The following LGR5 variants were observed in gnomAD, a reference collection of about 807,000 sequenced individuals.
LGR5 encodes the protein leucine rich repeat containing G protein-coupled receptor 5, also known as leucine-rich repeat-containing G protein-coupled receptor 5.
Under a neutral mutation model 76.7 loss-of-function variants are expected in LGR5, and 54 were observed. That is an observed-to-expected ratio of 0.70 (90% CI 0.57 to 0.88). The LOEUF is 0.88. Ranked by LOEUF, LGR5 falls within the 40% of genes least tolerant of loss-of-function variation. The probability of loss-of-function intolerance (pLI) is 0.00; values close to 1 mark genes in which losing one functional copy is unlikely to be tolerated. For missense variants in LGR5, 1,078 were observed against 1,073.3 expected, an observed-to-expected ratio of 1.00 and a Z score of -0.06; for synonymous variants, 406 against 421.9, an observed-to-expected ratio of 0.96 and a Z score of 0.46.
intron 3 of LGR5, among the ~76,000 whole-genome samples, chr12:71,527,299 A>G (rs948653226): frequency 2.0e-5 from 3 of 152,226 alleles, no homozygotes; most frequent in African/African-American, 4.8e-5. Context: ...TGTTTGTGCT[A>G]TGATAACGGA....
chr12:71,508,420 C>A (rs141847166), intron 2 of LGR5, among the ~76,000 whole-genome samples: 183 of 152,070 alleles, frequency 1.2e-3, no homozygotes, highest in African/African-American at 4.3e-3. Context: ...CTGTAAGAAT[C>A]AATAAAGCGC....
chr12:71,524,281 A>C (rs1329105222), intron 2 of LGR5, 125 bp from the exon 3 acceptor site: 8 of 639,570 alleles, frequency 1.3e-5, no homozygotes, highest in East Asian at 5.8e-5. Context: ...AACAAAACAA[A>C]GTTGTTTACA....
At chr12:71,529,690 T>C (rs1009577911) in intron 3 of LGR5, among the ~76,000 whole-genome samples, 1 of 152,116 alleles carries the variant, frequency 6.6e-6, no homozygotes, top group Non-Finnish European at 1.5e-5. Context: ...GTGTGGTGGC[T>C]CACACCTCTA....
intron 10 of LGR5, 67 bp from the exon 11 acceptor site, chr12:71,566,774 G>C: frequency 6.3e-7 from 1 of 1,575,996 alleles, no homozygotes. Context: ...CTTAACATCA[G>C]TGAGTCAAAA....
chr12:71,582,477 T>A lies in LGR5; in HGVS notation c.1574T>A (p.Phe525Tyr). The A allele has an allele frequency of 6.2e-7, 1 of 1,614,142 alleles. No individual in the cohort carries two copies. The highest frequency in any genetic ancestry group is 8.5e-7 in the Non-Finnish European group (1 of 1,179,982). Residue 525 changes from phenylalanine (F) to tyrosine (Y), a missense_variant, in exon 17 of 18, where the codon TTC becomes TAC. By Grantham distance (22) the Phe-to-Tyr change is conservative (BLOSUM62 3). Transcript: ENST00000266674. Reference protein sequence around the residue: ...QAQDERDLEDFLLDFEEDLKA... With the variant: ...QAQDERDLEDYLLDFEEDLKA... Reference sequence around the variant, plus strand: ...GCAGATGAACGTGACCTTGAAGATTTCCTGCTTGACTTTGAGGAAGACCTG... The same window carrying A: ...GCAGATGAACGTGACCTTGAAGATTACCTGCTTGACTTTGAGGAAGACCTG...
intron 1 of LGR5, among the ~76,000 whole-genome samples, chr12:71,464,717 A>G (rs1872796927): frequency 6.6e-6 from 1 of 152,224 alleles, no homozygotes; most frequent in African/African-American, 2.4e-5. Flanking sequence ...TTGAATAAAT[A>G]CATTCAATAT....
chr12:71,563,372 C>T (rs1878156905), intron 8 of LGR5, among the ~76,000 whole-genome samples: 1 of 152,226 alleles, frequency 6.6e-6, no homozygotes, highest in South Asian at 2.1e-4. Flanking sequence ...TCCAGATTTT[C>T]ACCAGTCTGC....
intron 2 of LGR5, among the ~76,000 whole-genome samples, chr12:71,515,714 C>A (rs1187603606): frequency 6.6e-6 from 1 of 152,120 alleles, no homozygotes; most frequent in African/African-American, 2.4e-5. Context: ...GACTGTATGC[C>A]CTCTCACTCT....
At chr12:71,516,398 T>A (rs1198104752) in intron 2 of LGR5, among the ~76,000 whole-genome samples, 1 of 152,126 alleles carries the variant, frequency 6.6e-6, no homozygotes, top group Non-Finnish European at 1.5e-5. Flanking sequence ...CCAGGCCCCC[T>A]CGCTTAACTC....
In LGR5 at chr12:71,450,171, A is replaced by G. The variant is rs1872189945; in HGVS notation, c.212+9879A>G. 2.0e-5 allele frequency among the ~76,000 whole-genome samples: 3 copies of G among 152,232 alleles called. No homozygotes were observed. In the South Asian group the frequency reaches 6.2e-4, roughly 32 times the overall value. On this transcript the variant is annotated intron_variant, in intron 1 of 17. Coordinates refer to ENST00000266674, the MANE Select transcript of LGR5 (RefSeq NM_003667.4). Reference sequence around the variant, plus strand: ...CCAGATCTCCTGAAAACCCCAGCCCAGTACTACTTCTTGGTCACCTTTATA... The same window carrying G: ...CCAGATCTCCTGAAAACCCCAGCCCGGTACTACTTCTTGGTCACCTTTATA...
rs1211422664 is a variant in LGR5 at position 71,446,966 on chromosome 12, A to G, written c.212+6674A>G. ...AAGAGGGATCAATAGATTAGTAACC[A>G]CCTAGGCAAGAATAAAACTTTTTTC... On this transcript the variant is annotated intron_variant, in intron 1 of 17. Coordinates refer to ENST00000266674, the MANE Select transcript of LGR5 (RefSeq NM_003667.4). 7.2e-5 allele frequency among the ~76,000 whole-genome samples: 11 copies of G among 152,314 alleles called. No individual in the cohort carries two copies. The East Asian group carries it at 2.1e-3, about 29-fold the overall frequency.
At chr12:71,497,150 C>CAA (rs201276823) in intron 1 of LGR5, among the ~76,000 whole-genome samples, 3,433 of 150,896 alleles carry the variant, frequency 0.023, 131 homozygotes, top group African/African-American at 0.079. Flanking sequence ...CTCATCTCTA[C>CAA]GAAAAAAAAA....
chr12:71,499,961 G>C (rs1348677962), intron 1 of LGR5, among the ~76,000 whole-genome samples: 2 of 151,904 alleles, frequency 1.3e-5, no homozygotes. Flanking sequence ...GCAGTACAAG[G>C]GCTTAACCAA....
At chr12:71,482,246 G>T (rs368093042) in intron 1 of LGR5, among the ~76,000 whole-genome samples, 3 of 152,282 alleles carry the variant, frequency 2.0e-5, no homozygotes, top group African/African-American at 2.4e-5. Context: ...GTATTAGTTT[G>T]CTGGGACTGC....
chr12:71,486,258 A>G (rs1032449528), intron 1 of LGR5, among the ~76,000 whole-genome samples: 1 of 152,320 alleles, frequency 6.6e-6, no homozygotes, highest in South Asian at 2.1e-4. Flanking sequence ...AAAGTCAGGT[A>G]GATGTTGTTA....
chr12:71,440,113 C>G lies in LGR5; in HGVS notation c.33C>G (p.Ser11=), dbSNP rs748663178. The change falls in exon 1 of 18, where the codon TCC becomes TCG. Residue 11 remains serine, a synonymous_variant. Transcript: ENST00000266674. This position sits in a 1 kb window ranked among gnomAD's most constrained non-coding sequence, Gnocchi z 5.3. The stretch of plus-strand genomic sequence containing the variant: ...CCTCCCGGCTCGGTGTGCTCCTGTC[C>G]TTGCCTGTGCTGCTGCAGCTGGCGA... The part of the protein sequence containing the change: MDTSRLGVLL[S]LPVLLQLATG... 5 of 1,606,864 alleles carry G rather than the reference C, an allele frequency of 3.1e-6. No individual in the cohort carries two copies. In the South Asian group the frequency reaches 5.5e-5, roughly 18 times the overall value.
rs148078530 is a variant in LGR5 at position 71,538,054 on chromosome 12, C to T, written c.428+2868C>T. On this transcript the variant is annotated intron_variant, in intron 4 of 17. Transcript: ENST00000266674. The stretch of plus-strand genomic sequence containing the variant: ...CTACCCTTGATAGGGGCTGTGAGCT[C>T]ATTGTCTTTATACATGCCTGGCCTT... Among the ~76,000 whole-genome samples the T allele has an allele frequency of 3.5e-3, 533 of 152,258 alleles. 5 individuals are homozygous for T. The highest frequency in any genetic ancestry group is 0.012 in the African/African-American group (516 of 41,532).
chr12:71,572,658 T>C (rs1878665811), intron 12 of LGR5, among the ~76,000 whole-genome samples, 192 bp from the exon 13 acceptor site: 1 of 152,224 alleles, frequency 6.6e-6, no homozygotes, highest in Admixed American at 6.5e-5. Context: ...CTAGCTCCTT[T>C]GAAAGAGACA....
intron 1 of LGR5, among the ~76,000 whole-genome samples, chr12:71,445,424 A>G (rs1003214243): frequency 1.3e-5 from 2 of 152,214 alleles, no homozygotes; most frequent in Non-Finnish European, 2.9e-5. Flanking sequence ...GTTCTAGCCC[A>G]CTGCAACTCT....
Sources: gnomAD v4.1 joint callset for allele counts (sites outside exome capture counted in the v4.1 genomes callset) on GRCh38, gnomAD v4.1.1 for gene constraint, Gnocchi (gnomAD v3.1) non-coding constraint, MANE v1.5 for transcripts, NCBI Gene and HGNC (gene_info 2026-07-23, HGNC 2026-07-21) for gene names.